The following SPSB4 variants were observed in gnomAD, a reference collection of about 807,000 sequenced individuals.
SPSB4 encodes splA/ryanodine receptor domain and SOCS box containing 4, also known as SPRY domain-containing SOCS box protein 4.
A neutral mutation model predicts 20.9 loss-of-function variants in SPSB4; 21 were observed. The observed-to-expected ratio is 1.01, with a 90% CI of 0.71 to 1.45. SPSB4 has a LOEUF of 1.45. Ranked by LOEUF, SPSB4 falls within the 40% of genes most tolerant of loss-of-function variation. SPSB4 has a pLI of 0.00. For synonymous variants in SPSB4, 207 were observed against 183.8 expected, an observed-to-expected ratio of 1.13 and a Z score of -1.02; for missense variants, 399 against 399.2, an observed-to-expected ratio of 1.00 and a Z score of 0.00.
intron 1 of SPSB4, among the ~76,000 whole-genome samples, chr3:141,057,516 A>G (rs779883006): frequency 6.6e-6 from 1 of 152,192 alleles, no homozygotes; most frequent in Non-Finnish European, 1.5e-5. Context: ...CGTGCATTCC[A>G]TAGACGTTCA....
chr3:141,126,510 G>T (rs1488031728), intron 2 of SPSB4, among the ~76,000 whole-genome samples: 1 of 152,110 alleles, frequency 6.6e-6, no homozygotes, highest in South Asian at 2.1e-4. Context: ...TCCAACCGGG[G>T]TTCCAGGCTT....
chr3:141,092,223 G>A (rs902160401), intron 2 of SPSB4, among the ~76,000 whole-genome samples: 1 of 152,220 alleles, frequency 6.6e-6, no homozygotes, highest in South Asian at 2.1e-4. Context: ...CAAGATGGGA[G>A]GGTAATCCTT....
chr3:141,127,572 A>T (rs1260702590), intron 2 of SPSB4, among the ~76,000 whole-genome samples: 4 of 149,200 alleles, frequency 2.7e-5, no homozygotes, highest in African/African-American at 7.3e-5. Context: ...TTTCATGTGC[A>T]TTTTTTTTTT....
intron 2 of SPSB4, among the ~76,000 whole-genome samples, chr3:141,109,905 G>A (rs1938765800): frequency 6.6e-6 from 1 of 152,140 alleles, no homozygotes; most frequent in Non-Finnish European, 1.5e-5. Flanking sequence ...CTCCTTAATC[G>A]GTGTTGCTAA....
intron 2 of SPSB4, among the ~76,000 whole-genome samples, chr3:141,120,619 G>A (rs900193170): frequency 6.6e-6 from 1 of 152,150 alleles, no homozygotes; most frequent in African/African-American, 2.4e-5. Context: ...TTTATATTTA[G>A]GATAGTTAGT....
intron 2 of SPSB4, among the ~76,000 whole-genome samples, chr3:141,083,011 C>T (rs1434443919): frequency 1.3e-5 from 2 of 152,118 alleles, no homozygotes; most frequent in Admixed American, 1.3e-4. Context: ...GACCTGTGTC[C>T]ACCATGGACC....
At chr3:141,145,204 T>C (rs1184176290) in intron 2 of SPSB4, among the ~76,000 whole-genome samples, 1 of 148,968 alleles carries the variant, frequency 6.7e-6, no homozygotes, top group Admixed American at 6.7e-5. Context: ...ATAATTATTT[T>C]AAAAAGAGAA....
chr3:141,109,242 C>A (rs2107797732), intron 2 of SPSB4, among the ~76,000 whole-genome samples: 1 of 152,230 alleles, frequency 6.6e-6, no homozygotes, highest in Non-Finnish European at 1.5e-5. Context: ...CACACCTTGC[C>A]ATGCACCTTG....
intron 2 of SPSB4, among the ~76,000 whole-genome samples, chr3:141,105,095 A>G (rs564667685): frequency 5.7e-4 from 87 of 152,322 alleles, no homozygotes; most frequent in African/African-American, 1.9e-3. Context: ...TATCTTTAGC[A>G]CCATACATTC....
chr3:141,122,040 C>G (rs902889278), intron 2 of SPSB4, among the ~76,000 whole-genome samples: 1 of 152,154 alleles, frequency 6.6e-6, no homozygotes, highest in Non-Finnish European at 1.5e-5. Context: ...GTTTCTCCCC[C>G]TCTTTGTGGT....
At position 141,147,428 on chromosome 3, in the gene SPSB4, G is replaced by T; in HGVS notation, c.*159G>T. On this transcript the variant is annotated 3_prime_UTR_variant, in exon 3 of 3. Transcript: ENST00000310546. ...AGACCAGGATGTGGTACCAACTTTG[G>T]AAACGAAAGGTCTCTTGCCAACAGT... 3.2e-6 allele frequency: 4 copies of T among 1,267,888 alleles called. No homozygotes were observed. The highest frequency in any genetic ancestry group is 4.3e-6 in the Non-Finnish European group (4 of 928,746). The allele number at this position is 1,267,888 out of a possible 1,614,324, so 78.5% of individuals were successfully genotyped here. A position where few individuals can be genotyped will look rare whatever the true frequency, so the allele number is the denominator to read the frequency against.
chr3:141,104,134 G>A (rs1443348656), intron 2 of SPSB4, among the ~76,000 whole-genome samples: 1 of 152,184 alleles, frequency 6.6e-6, no homozygotes. Flanking sequence ...CTAGTGAGGG[G>A]TACAGACAAG....
intron 2 of SPSB4, among the ~76,000 whole-genome samples, chr3:141,118,143 C>T (rs972251088): frequency 2.6e-5 from 4 of 152,220 alleles, no homozygotes; most frequent in African/African-American, 9.7e-5. Flanking sequence ...ATTCCTATTT[C>T]TCCACATCCT....
chr3:141,059,274 T>A (rs940630354), intron 1 of SPSB4, among the ~76,000 whole-genome samples: 1 of 152,112 alleles, frequency 6.6e-6, no homozygotes, highest in South Asian at 2.1e-4. Flanking sequence ...ACTATCACAC[T>A]GGGGCTTTGT....
intron 2 of SPSB4, chr3:141,132,455 C>T (rs907430472): frequency 4.0e-4 from 74 of 185,624 alleles, no homozygotes; most frequent in African/African-American, 1.7e-3. Flanking sequence ...CGTGAGCCAC[C>T]GTACCCAGCT....
At chr3:141,070,271 G>T (rs1401520144) in intron 2 of SPSB4, among the ~76,000 whole-genome samples, 1 of 152,198 alleles carries the variant, frequency 6.6e-6, no homozygotes, top group East Asian at 1.9e-4. Flanking sequence ...GTCTGAGTGG[G>T]TGAGGGGGGT....
chr3:141,091,002 G>A (rs996667230), intron 2 of SPSB4, among the ~76,000 whole-genome samples: 4 of 152,184 alleles, frequency 2.6e-5, no homozygotes, highest in African/African-American at 9.7e-5. Flanking sequence ...ATAACTCCAT[G>A]GTTTTGGGCC....
Position 141,147,275 on chromosome 3 carries a change from G to T in SPSB4, c.*6G>T. On this transcript the variant is annotated 3_prime_UTR_variant, in exon 3 of 3. Coordinates refer to ENST00000310546, the MANE Select transcript of SPSB4 (RefSeq NM_080862.3). ...ACTATCTGCAGTACCAGTGAGCCAAGCCTGATGGGCAGCACAGACACAGAC... is the reference window on the plus strand; with the variant it reads ...ACTATCTGCAGTACCAGTGAGCCAATCCTGATGGGCAGCACAGACACAGAC... 9 of 1,614,142 alleles carry T rather than the reference G, an allele frequency of 5.6e-6. 1 individual carries two copies. The South Asian group carries it at 9.9e-5, about 18-fold the overall frequency.
intron 2 of SPSB4, among the ~76,000 whole-genome samples, chr3:141,077,771 A>G (rs1231658747): frequency 6.6e-6 from 1 of 152,212 alleles, no homozygotes; most frequent in African/African-American, 2.4e-5. Flanking sequence ...AGGCCAGGCC[A>G]GGTGCCAACA....
Sources: allele counts gnomAD v4.1 joint callset (sites outside exome capture counted in the v4.1 genomes callset), GRCh38; gene constraint gnomAD v4.1.1; transcripts MANE v1.5; gene names NCBI Gene and HGNC (gene_info 2026-07-23, HGNC 2026-07-21).